CLHC1: variants seen among roughly 807,000 people sequenced by gnomAD.
CLHC1 encodes clathrin heavy chain linker domain containing 1.
CLHC1 carries 72 observed loss-of-function variants against 69.5 expected under a neutral mutation model. The ratio of observed to expected loss-of-function variants is 1.04; its 90% CI spans 0.86 to 1.26. CLHC1 has a LOEUF of 1.26. Ranked by LOEUF, CLHC1 falls within the 50% of genes most tolerant of loss-of-function variation. The probability of loss-of-function intolerance (pLI) is 0.00; values close to 1 mark genes in which losing one functional copy is unlikely to be tolerated. For missense variants in CLHC1, 790 were observed against 679.3 expected, an observed-to-expected ratio of 1.16 and a Z score of -1.81; for synonymous variants, 223 against 224.3, an observed-to-expected ratio of 0.99 and a Z score of 0.05.
At chr2:55,213,716 A>G (rs1374558680) in intron 4 of CLHC1, among the ~76,000 whole-genome samples, 2 of 152,258 alleles carry the variant, frequency 1.3e-5, no homozygotes, top group East Asian at 1.9e-4. Flanking sequence ...GAGAAATAAC[A>G]TATTAAAATA....
intron 9 of CLHC1, among the ~76,000 whole-genome samples, chr2:55,189,052 A>C (rs191169676): frequency 1.2e-3 from 180 of 152,306 alleles, no homozygotes; most frequent in African/African-American, 4.1e-3. Flanking sequence ...AAAAGAAGAA[A>C]GGTGATGGTA....
At chr2:55,200,812 T>G (rs1480610655) in intron 9 of CLHC1, among the ~76,000 whole-genome samples, 1 of 152,124 alleles carries the variant, frequency 6.6e-6, no homozygotes, top group Non-Finnish European at 1.5e-5. Flanking sequence ...TTCAAAAAAT[T>G]GAAATAATAT....
At chr2:55,230,566 G>A (rs558044156) in intron 1 of CLHC1, among the ~76,000 whole-genome samples, 8 of 152,158 alleles carry the variant, frequency 5.3e-5, no homozygotes, top group Non-Finnish European at 1.0e-4. Flanking sequence ...AGAAAATGCA[G>A]ACAAAGCAGA....
intron 8 of CLHC1, among the ~76,000 whole-genome samples, chr2:55,207,846 G>C (rs957507620): frequency 1.3e-5 from 2 of 151,956 alleles, no homozygotes; most frequent in Non-Finnish European, 2.9e-5. Context: ...TTGCTAAGTT[G>C]GTACACAGAA....
intron 8 of CLHC1, among the ~76,000 whole-genome samples, chr2:55,208,063 C>A (rs1433897582): frequency 6.6e-6 from 1 of 152,082 alleles, no homozygotes; most frequent in Non-Finnish European, 1.5e-5. Context: ...AAAGAAAGGA[C>A]TGAATTGGCT....
chr2:55,218,738 T>A (rs1673823441), intron 3 of CLHC1: 1 of 152,218 alleles, frequency 6.6e-6, no homozygotes, highest in Admixed American at 6.5e-5. Flanking sequence ...AAAATAAACA[T>A]TTTTAAATAA....
intron 5 of CLHC1, among the ~76,000 whole-genome samples, chr2:55,212,459 C>G (rs984005218): frequency 2.0e-5 from 3 of 152,200 alleles, no homozygotes; most frequent in African/African-American, 7.2e-5. Flanking sequence ...CACTGCATTA[C>G]ACTTTATATA....
At chr2:55,183,297 G>A (rs1049650857) in intron 9 of CLHC1, among the ~76,000 whole-genome samples, 1 of 152,122 alleles carries the variant, frequency 6.6e-6, no homozygotes, top group Non-Finnish European at 1.5e-5. Flanking sequence ...ATCTAAAAGC[G>A]AGTGAAAAAA....
chr2:55,184,106 A>C (rs7426148), intron 9 of CLHC1, among the ~76,000 whole-genome samples: 1,655 of 144,912 alleles, frequency 0.011, 77 homozygotes, highest in African/African-American at 0.024. Flanking sequence ...TTCTTTCTTT[A>C]TTTTTTTTTT....
chr2:55,201,282 A>G (rs1671920829), intron 9 of CLHC1, among the ~76,000 whole-genome samples: 1 of 152,038 alleles, frequency 6.6e-6, no homozygotes, highest in African/African-American at 2.4e-5. Flanking sequence ...CAAACTAAGT[A>G]AGAAAAAAAG....
chr2:55,211,817 C>G (rs1218216941), intron 5 of CLHC1, among the ~76,000 whole-genome samples: 1 of 152,176 alleles, frequency 6.6e-6, no homozygotes, highest in Non-Finnish European at 1.5e-5. Flanking sequence ...TAGATGAATT[C>G]CAGGATATAC....
chr2:55,197,782 T>C (rs1369969841), intron 9 of CLHC1, among the ~76,000 whole-genome samples: 1 of 152,092 alleles, frequency 6.6e-6, no homozygotes, highest in Admixed American at 6.5e-5. Context: ...AGTTCTTCAA[T>C]GCCCAGACAC....
intron 4 of CLHC1, among the ~76,000 whole-genome samples, chr2:55,213,536 C>T (rs909513605): frequency 6.6e-6 from 1 of 152,112 alleles, no homozygotes; most frequent in Admixed American, 6.5e-5. Context: ...CTTTGAAAAA[C>T]TTTATTGAGC....
At chr2:55,202,244 A>G (rs1048719491) in intron 9 of CLHC1, among the ~76,000 whole-genome samples, 4 of 142,560 alleles carry the variant, frequency 2.8e-5, no homozygotes, top group Middle Eastern at 3.5e-3. Context: ...TGATGATGTA[A>G]TCTTATATTT....
intron 5 of CLHC1, 71 bp downstream of exon 5, chr2:55,212,602 T>C: frequency 8.3e-7 from 1 of 1,207,588 alleles, no homozygotes; most frequent in Non-Finnish European, 1.2e-6. Context: ...ACATTTATAT[T>C]AATGCATGCC....
chr2:55,187,584 C>A (rs1217703982), intron 9 of CLHC1, among the ~76,000 whole-genome samples: 2 of 151,734 alleles, frequency 1.3e-5, no homozygotes, highest in Non-Finnish European at 2.9e-5. Flanking sequence ...CACTGCACTC[C>A]AGCTCAGGTG....
At chr2:55,212,504 G>A (rs1015200201) in intron 5 of CLHC1, among the ~76,000 whole-genome samples, 169 bp downstream of exon 5, 2 of 152,182 alleles carry the variant, frequency 1.3e-5, no homozygotes, top group African/African-American at 2.4e-5. Flanking sequence ...TTTAGAGTTC[G>A]TTTTTCCATT....
chr2:55,198,551 C>T (rs1271694886), intron 9 of CLHC1, among the ~76,000 whole-genome samples: 4 of 152,120 alleles, frequency 2.6e-5, no homozygotes, highest in Admixed American at 1.3e-4. Context: ...CACCACTGCA[C>T]GTGAGCCTGG....
At chr2:55,222,667 C>T (rs1206822556) in intron 2 of CLHC1, among the ~76,000 whole-genome samples, 174 bp from the exon 3 acceptor site, 1 of 152,108 alleles carries the variant, frequency 6.6e-6, no homozygotes, top group East Asian at 1.9e-4. Flanking sequence ...TGCCTGTAAT[C>T]CCAGCTCTTT....
Sources: gnomAD v4.1 joint callset for allele counts (sites outside exome capture counted in the v4.1 genomes callset) on GRCh38, gnomAD v4.1.1 for gene constraint, MANE v1.5 for transcripts, NCBI Gene and HGNC (gene_info 2026-07-23, HGNC 2026-07-21) for gene names.